MALRD1: variants seen among roughly 807,000 people sequenced by gnomAD.
MALRD1 encodes the protein MAM and LDL-receptor class A domain-containing protein 1.
In MALRD1, 247 loss-of-function variants were observed where a neutral mutation model predicts 242.1. That is an observed-to-expected ratio of 1.02 (90% confidence interval 0.92 to 1.13). The LOEUF (loss-of-function observed/expected upper bound fraction) is 1.13. MALRD1 is among the 50% of genes most tolerant of loss of function. MALRD1 has a pLI of 0.00. For synonymous variants in MALRD1, 995 were observed against 866.6 expected, an observed-to-expected ratio of 1.15 and a Z score of -2.60; for missense variants, 2,989 against 2,533.1, an observed-to-expected ratio of 1.18 and a Z score of -3.86.
rs750796727 is a variant in MALRD1 at position 19,331,542 on chromosome 10, T to C, written c.3861T>C (p.Asn1287=). The change falls in exon 24 of 40, where the codon AAT becomes AAC. Residue 1287 remains asparagine, a synonymous_variant. Transcript: ENST00000454679. ...IAKDKLCDFV[N]DCADNSDETT... ...AAGACAAGCTGTGTGATTTTGTGAA[T>C]GATTGTGCTGATAATTCAGATGAGA... 6.5e-7 allele frequency: 1 copy of C among 1,550,296 alleles called. No homozygotes were observed. The highest frequency in any genetic ancestry group is 2.0e-5 in the Admixed American group (1 of 50,994).
At chr10:19,444,954 A>G (rs1361577616) in intron 28 of MALRD1, among the ~76,000 whole-genome samples, 2 of 152,184 alleles carry the variant, frequency 1.3e-5, no homozygotes, top group Non-Finnish European at 2.9e-5. Flanking sequence ...AATCAGATGT[A>G]GATTTGGTCT....
In MALRD1 at chr10:19,165,822, C is replaced by G; in HGVS notation, c.1830+12C>G. 8.1e-7 allele frequency: 1 copy of G among 1,231,150 alleles called. No homozygotes were observed. Among genetic ancestry groups the G allele is most frequent in the Non-Finnish European group, 1.0e-6 (1 of 987,550 alleles). The allele number at this position is 1,231,150 out of a possible 1,614,324, so 76.3% of individuals were successfully genotyped here. Reference sequence around the variant, plus strand: ...CTCTACCTTTTCAGGTAAGCACATACGAAATTAATACAACTCAACAGAAGA... The same window carrying G: ...CTCTACCTTTTCAGGTAAGCACATAGGAAATTAATACAACTCAACAGAAGA... On this transcript the variant is annotated intron_variant, in intron 13 of 39. Transcript: ENST00000454679.
rs77798978 is a variant in MALRD1, at chr10:19,704,924, G to A, written c.6314+12370G>A. On this transcript the variant is annotated intron_variant, in intron 38 of 39. Coordinates refer to ENST00000454679, the MANE Select transcript of MALRD1 (RefSeq NM_001142308.3). ...CACTTTGGGAGAACGAGGCAGGCAG[G>A]TGACTTGAACCCAGGAGTTCAAGAC... is the stretch of plus-strand genomic sequence containing the variant. Among the ~76,000 whole-genome samples the A allele has an allele frequency of 2.6e-3, 399 of 152,160 alleles. 10 individuals are homozygous for A. In the East Asian group the frequency reaches 0.054, roughly 21 times the overall value.
At chr10:19,102,104 T>G (rs1040350606) in intron 4 of MALRD1, among the ~76,000 whole-genome samples, 3 of 146,064 alleles carry the variant, frequency 2.1e-5, no homozygotes, top group African/African-American at 7.5e-5. Context: ...TTATATCATA[T>G]ATGATATATG....
At chr10:19,241,831 A>G (rs936221981) in intron 18 of MALRD1, among the ~76,000 whole-genome samples, 3 of 152,084 alleles carry the variant, frequency 2.0e-5, no homozygotes, top group African/African-American at 7.2e-5. Flanking sequence ...TCTTGGGTGC[A>G]TGCTATTTAA....
At position 19,734,164 on chromosome 10, in the gene MALRD1, TC is replaced by T; in HGVS notation, c.6399del (p.Tyr2134IlefsTer77). On this transcript the variant is annotated frameshift_variant, in exon 40 of 40. Coordinates refer to ENST00000454679, the MANE Select transcript of MALRD1 (RefSeq NM_001142308.3). LOFTEE classifies it high-confidence loss of function. ...TGTGTTTTTCTTCGTCAGAGTTCTGTCTATTCCTTCTCAAACCCATTATATG... is the reference window on the plus strand; with the variant it reads ...TGTGTTTTTCTTCGTCAGAGTTCTGTTATTCCTTCTCAAACCCATTATATG... ...WSNPEKTESS[V>X]YSFSNPLYGT... is the part of the protein sequence containing the mutation. 6.5e-7 allele frequency: 1 copy of T among 1,534,886 alleles called. No individual in the cohort carries two copies. Among genetic ancestry groups the T allele is most frequent in the Non-Finnish European group, 8.7e-7 (1 of 1,146,362 alleles).
intron 33 of MALRD1, among the ~76,000 whole-genome samples, chr10:19,578,867 T>C (rs146818093): frequency 6.6e-6 from 1 of 152,228 alleles, no homozygotes; most frequent in African/African-American, 2.4e-5. Context: ...ATACATCTTT[T>C]AGCTTACATC....
intron 6 of MALRD1, 52 bp downstream of exon 6, chr10:19,123,645 G>GTGGTCTGAGTCTC: frequency 9.6e-7 from 1 of 1,039,682 alleles, no homozygotes; most frequent in Non-Finnish European, 1.2e-6. Flanking sequence ...CAATATGTGA[G>GTGGTCTGAGTCTC]ACTCAGACCA....
intron 21 of MALRD1, among the ~76,000 whole-genome samples, chr10:19,283,726 T>C (rs547868566): frequency 6.6e-6 from 1 of 152,362 alleles, no homozygotes; most frequent in South Asian, 2.1e-4. Context: ...TTCATCATTA[T>C]TTGCATTTCA....
intron 34 of MALRD1, among the ~76,000 whole-genome samples, chr10:19,603,876 A>T (rs560338034): frequency 6.6e-6 from 1 of 152,208 alleles, no homozygotes; most frequent in South Asian, 2.1e-4. Context: ...GGTAAATTTA[A>T]TTGATAAATG....
intron 14 of MALRD1, among the ~76,000 whole-genome samples, chr10:19,175,724 CA>C (rs1451081641): frequency 6.6e-6 from 1 of 151,394 alleles, no homozygotes; most frequent in Non-Finnish European, 1.5e-5. Context: ...CCCAGGAGTT[CA>C]AAAAAAGCAA....
chr10:19,688,695 C>A (rs993812545), intron 36 of MALRD1, among the ~76,000 whole-genome samples: 3 of 152,196 alleles, frequency 2.0e-5, no homozygotes, highest in African/African-American at 7.2e-5. Flanking sequence ...AGAGAAATTT[C>A]TTTCACTGCT....
At chr10:19,348,889 A>G (rs1275299710) in intron 25 of MALRD1, among the ~76,000 whole-genome samples, 1 of 152,190 alleles carries the variant, frequency 6.6e-6, no homozygotes, top group African/African-American at 2.4e-5. Context: ...TTCTGAACAC[A>G]TGTATTCTGA....
intron 12 of MALRD1, 29 bp from the exon 13 acceptor site, chr10:19,165,608 T>G: frequency 8.2e-7 from 1 of 1,219,504 alleles, no homozygotes; most frequent in Non-Finnish European, 1.0e-6. Flanking sequence ...AATGGAATAT[T>G]TATATCATTG....
chr10:19,732,154 A>G (rs1362157262), intron 39 of MALRD1, among the ~76,000 whole-genome samples: 1 of 152,244 alleles, frequency 6.6e-6, no homozygotes, highest in Non-Finnish European at 1.5e-5. Context: ...TACTTCATGG[A>G]TAAAAAAACA....
intron 21 of MALRD1, among the ~76,000 whole-genome samples, chr10:19,314,271 G>T (rs367617814): frequency 2.6e-5 from 4 of 151,708 alleles, no homozygotes; most frequent in South Asian, 2.1e-4. Context: ...TACATGGAAG[G>T]TGCTGTAGAA....
At position 19,491,232 on chromosome 10, in the gene MALRD1, T is replaced by C. The variant is rs1376214653; in HGVS notation, c.5030-285T>C. ...ATACCCTTTACCAGGTTCCAGGTAG[T>C]TGTGGGCCACAAATTTGAGTGTCTC... On this transcript the variant is annotated intron_variant, in intron 29 of 39. Transcript: ENST00000454679. 1.5e-5 allele frequency: 10 copies of C among 647,790 alleles called. No individual in the cohort carries two copies. In the Admixed American group the frequency reaches 2.1e-4, roughly 13 times the overall value. The allele number at this position is 647,790 out of a possible 1,614,324, so 40.1% of individuals were successfully genotyped here. A position where few individuals can be genotyped will look rare whatever the true frequency, so the allele number is the denominator to read the frequency against.
At chr10:19,653,119 T>C (rs542223522) in intron 36 of MALRD1, among the ~76,000 whole-genome samples, 2 of 152,320 alleles carry the variant, frequency 1.3e-5, no homozygotes, top group East Asian at 1.9e-4. Context: ...TGGGAAGCCA[T>C]TCATTTTCTT....
intron 35 of MALRD1, among the ~76,000 whole-genome samples, chr10:19,610,038 G>GTA (rs774579124): frequency 4.0e-5 from 6 of 151,730 alleles, no homozygotes; most frequent in Non-Finnish European, 5.9e-5. Flanking sequence ...ACACTTCTCA[G>GTA]GCAAGTACTA....
Sources: allele counts gnomAD v4.1 joint callset (sites outside exome capture counted in the v4.1 genomes callset), GRCh38; gene constraint gnomAD v4.1.1; transcripts MANE v1.5; gene names NCBI Gene and HGNC (gene_info 2026-07-23, HGNC 2026-07-21).